Variants in TTC34 observed in about 807,000 individuals in gnomAD.
The protein encoded by TTC34 is tetratricopeptide repeat protein 34.
TTC34 carries 44 observed loss-of-function variants against 40.7 expected under a neutral mutation model. That is an observed-to-expected ratio of 1.08 (90% confidence interval 0.85 to 1.39). The LOEUF (loss-of-function observed/expected upper bound fraction) is 1.39. Ranked by LOEUF, TTC34 falls within the 40% of genes most tolerant of loss-of-function variation. The probability of loss-of-function intolerance (pLI) is 0.00; values close to 1 mark genes in which losing one functional copy is unlikely to be tolerated. For synonymous variants in TTC34, 422 were observed against 398.6 expected (o/e 1.06, Z -0.70); for missense variants, 884 against 838.0 (o/e 1.05, Z -0.68).
chr1:2,748,475 C>G (rs1641217486), intron 6 of TTC34, among the ~76,000 whole-genome samples: 2 of 151,296 alleles, frequency 1.3e-5, no homozygotes, highest in Non-Finnish European at 2.9e-5. Flanking sequence ...GAAGAGCACC[C>G]CACATCCCCG....
intron 6 of TTC34, among the ~76,000 whole-genome samples, chr1:2,675,237 A>G (rs1360356248): frequency 6.8e-6 from 1 of 147,608 alleles, no homozygotes; most frequent in African/African-American, 2.5e-5. Flanking sequence ...AACAGCACCC[A>G]CAACCCCAGG....
intron 6 of TTC34, among the ~76,000 whole-genome samples, chr1:2,769,636 G>T (rs199671872): frequency 0.33 from 41,265 of 126,024 alleles, 3,823 homozygotes; most frequent in East Asian, 0.45. Context: ...CACACCCCCA[G>T]GTGAGCATCT....
chr1:2,660,817 GAAC>G (rs1639525200), intron 6 of TTC34, among the ~76,000 whole-genome samples: 5 of 79,012 alleles, frequency 6.3e-5, no homozygotes, highest in African/African-American at 1.1e-4. Context: ...TGACAGCCTG[GAAC>G]AGCACCCACA....
At chr1:2,683,721 T>G (rs1199946196) in intron 6 of TTC34, among the ~76,000 whole-genome samples, 2 of 134,980 alleles carry the variant, frequency 1.5e-5, no homozygotes, top group East Asian at 2.3e-4. Context: ...CACCCCCAGG[T>G]GAGCAGCTGA....
intron 6 of TTC34, among the ~76,000 whole-genome samples, chr1:2,751,746 C>T (rs1209409400): frequency 1.4e-5 from 2 of 147,808 alleles, no homozygotes; most frequent in African/African-American, 5.1e-5. Context: ...GAGCATCTGA[C>T]ATCGTAGAGC....
intron 6 of TTC34, among the ~76,000 whole-genome samples, chr1:2,676,917 A>C (rs898461309): frequency 2.3e-5 from 3 of 129,900 alleles, no homozygotes; most frequent in African/African-American, 8.5e-5. Context: ...AGCCTGGAGC[A>C]GCACCCACAC....
At chr1:2,695,003 G>C (rs1640794533) in intron 6 of TTC34, among the ~76,000 whole-genome samples, 2 of 151,848 alleles carry the variant, frequency 1.3e-5, no homozygotes, top group East Asian at 1.9e-4. Context: ...CCCCAGGTGA[G>C]GATCTGACAG....
At position 2,752,586 on chromosome 1, in the gene TTC34, T is replaced by G. The variant is rs1218139282; in HGVS notation, c.2226+31023A>C. On this transcript the variant is annotated intron_variant, in intron 6 of 8. Transcript: ENST00000401095. ...AGCACCTTGCACCCCCAGGTGAGAATCTGACAACCTGGAACAGGACAAACA... is the reference window on the plus strand; with the variant it reads ...AGCACCTTGCACCCCCAGGTGAGAAGCTGACAACCTGGAACAGGACAAACA... Among the ~76,000 whole-genome samples the G allele has an allele frequency of 1.0e-4, 5 of 48,160 alleles. 1 individual carries two copies. The highest frequency in any genetic ancestry group is 1.4e-4 in the Non-Finnish European group (4 of 29,006). The allele number at this position is 48,160 out of a possible 152,430, so 31.6% of individuals were successfully genotyped here. A position where few individuals can be genotyped will look rare whatever the true frequency, so the allele number is the denominator to read the frequency against.
intron 6 of TTC34, among the ~76,000 whole-genome samples, chr1:2,685,122 C>T (rs566361545): frequency 6.9e-6 from 1 of 144,620 alleles, no homozygotes. Context: ...CCCACACCCC[C>T]AGGCGAGCAT....
At chr1:2,767,935 G>T (rs1344942727) in intron 6 of TTC34, among the ~76,000 whole-genome samples, 3 of 149,952 alleles carry the variant, frequency 2.0e-5, no homozygotes, top group Non-Finnish European at 4.4e-5. Flanking sequence ...ACACCCCAAG[G>T]TGGGCATCCG....
intron 6 of TTC34, among the ~76,000 whole-genome samples, chr1:2,658,565 GC>G (rs1639436170): frequency 5.4e-5 from 4 of 73,870 alleles, no homozygotes; most frequent in Non-Finnish European, 1.3e-4. Flanking sequence ...GCATCTGACA[GC>G]CTGGAACAGC....
chr1:2,656,367 C>CA (rs1639345606), intron 6 of TTC34, among the ~76,000 whole-genome samples: 3 of 98,082 alleles, frequency 3.1e-5, no homozygotes, highest in African/African-American at 4.3e-5. Flanking sequence ...CCTGGAACAG[C>CA]ACCCACACCC....
At chr1:2,675,517 CTGCACCCCCAGGTGCGCACGTG>C (rs1639876854) in intron 6 of TTC34, among the ~76,000 whole-genome samples, 1 of 110,214 alleles carries the variant, frequency 9.1e-6, no homozygotes, top group Non-Finnish European at 2.1e-5. Context: ...CAACAGCACC[CTGCACCCCCAGGTGCGCACGTG>C]ACAGCCTGGA....
chr1:2,690,152 T>C (rs1453939889), intron 6 of TTC34, among the ~76,000 whole-genome samples: 23 of 148,392 alleles, frequency 1.5e-4, no homozygotes, highest in African/African-American at 5.6e-4. Context: ...AAGGTGAGCA[T>C]CTGACATCGT....
chr1:2,684,993 C>A (rs1262918647), intron 6 of TTC34, among the ~76,000 whole-genome samples: 1 of 145,260 alleles, frequency 6.9e-6, no homozygotes. Flanking sequence ...GAACAGCACC[C>A]ATACCCCCAG....
rs932129763 is a variant in TTC34 at position 2,645,192 on chromosome 1, C to T, written c.2497+101G>A. ...AGGGACCTTGGAAGCTGTTGTGGTC[C>T]GGGTCTCTTTCTTCCATTTTTACAG... On this transcript the variant is annotated intron_variant, in intron 7 of 8. Coordinates refer to ENST00000401095, the Ensembl canonical transcript of TTC34. The surrounding 1 kb of genome is among the most constrained non-coding windows in gnomAD (Gnocchi z 4.7). The T allele has an allele frequency of 9.9e-5, 131 of 1,316,672 alleles. No individual in the cohort carries two copies. The highest frequency in any genetic ancestry group is 3.7e-4 in the Admixed American group (11 of 30,100). 81.6% of individuals were successfully genotyped at this position (1,316,672 alleles called of 1,614,324 possible).
chr1:2,672,734 G>T (rs1206324500), intron 6 of TTC34, among the ~76,000 whole-genome samples: 206 of 59,882 alleles, frequency 3.4e-3, no homozygotes, highest in Admixed American at 8.6e-3. Context: ...GCATCTGACA[G>T]CGTGGAGCAG....
intron 2 of TTC34, among the ~76,000 whole-genome samples, chr1:2,792,033 T>TTTTTTTTTTA (rs1553171534): frequency 4.7e-5 from 5 of 107,102 alleles, no homozygotes; most frequent in African/African-American, 1.2e-4. Flanking sequence ...TTTTTTTTTT[T>TTTTTTTTTTA]AAAGACAGGG....
intron 6 of TTC34, among the ~76,000 whole-genome samples, chr1:2,752,923 C>G (rs1220833813): frequency 1.3e-4 from 18 of 136,010 alleles, no homozygotes; most frequent in African/African-American, 5.0e-4. Context: ...CATCCTGAAA[C>G]AGCTCCCACA....
Sources: gnomAD v4.1 joint callset for allele counts (sites outside exome capture counted in the v4.1 genomes callset) on GRCh38, gnomAD v4.1.1 for gene constraint, Gnocchi (gnomAD v3.1) non-coding constraint, MANE v1.5 for transcripts, NCBI Gene and HGNC (gene_info 2026-07-23, HGNC 2026-07-21) for gene names.